The following FSTL5 variants were observed in gnomAD, a reference collection of about 807,000 sequenced individuals.
FSTL5 encodes the protein follistatin-related protein 5.
A neutral mutation model predicts 89.1 loss-of-function variants in FSTL5; 62 were observed. The observed-to-expected ratio is 0.70, with a 90% CI of 0.57 to 0.86. The LOEUF (loss-of-function observed/expected upper bound fraction) is 0.86. Among genes scored for constraint, FSTL5 ranks in the 40% least tolerant of loss-of-function variants. The pLI is 0.00. For missense variants in FSTL5, 1,057 were observed against 1,001.6 expected, an observed-to-expected ratio of 1.06 and a Z score of -0.75; for synonymous variants, 383 against 346.2, an observed-to-expected ratio of 1.11 and a Z score of -1.18.
intron 8 of FSTL5, among the ~76,000 whole-genome samples, chr4:161,574,357 A>T (rs199805422): frequency 4.3e-4 from 55 of 128,298 alleles, no homozygotes; most frequent in East Asian, 1.3e-3. Context: ...TTTTTTTTTT[A>T]AATTTTACTT....
At chr4:162,104,099 A>T (rs1304484510) in intron 2 of FSTL5, among the ~76,000 whole-genome samples, 1 of 152,204 alleles carries the variant, frequency 6.6e-6, no homozygotes, top group African/African-American at 2.4e-5. Context: ...ACTATCGCAG[A>T]CCCACTGCTG....
chr4:162,017,962 C>T (rs1736964669), intron 3 of FSTL5, among the ~76,000 whole-genome samples: 1 of 152,078 alleles, frequency 6.6e-6, no homozygotes, highest in Non-Finnish European at 1.5e-5. Context: ...GAGCCCCTTG[C>T]TTTGCTAGAA....
intron 2 of FSTL5, among the ~76,000 whole-genome samples, chr4:162,107,610 G>A (rs142194556): frequency 0.037 from 5,638 of 152,162 alleles, 174 homozygotes; most frequent in Non-Finnish European, 0.05. Flanking sequence ...GCCTAAATGA[G>A]GACTGCAACA....
At chr4:161,684,045 A>G (rs990199010) in intron 6 of FSTL5, among the ~76,000 whole-genome samples, 1 of 152,140 alleles carries the variant, frequency 6.6e-6, no homozygotes, top group Admixed American at 6.5e-5. Flanking sequence ...ATAGTCTCCA[A>G]TCTCATCCAG....
intron 15 of FSTL5, among the ~76,000 whole-genome samples, chr4:161,408,442 A>T (rs933545400): frequency 1.3e-5 from 2 of 152,176 alleles, no homozygotes; most frequent in African/African-American, 2.4e-5. Context: ...CTCAATTTAA[A>T]TCACAATTAA....
At chr4:161,633,438 C>G (rs781773979) in intron 7 of FSTL5, among the ~76,000 whole-genome samples, 49 of 151,968 alleles carry the variant, frequency 3.2e-4, no homozygotes, top group South Asian at 1.2e-3. Flanking sequence ...CCTCTGCCTC[C>G]CGGGTTCAAG....
At chr4:161,441,587 A>G (rs574018585) in intron 15 of FSTL5, among the ~76,000 whole-genome samples, 35 of 152,070 alleles carry the variant, frequency 2.3e-4, no homozygotes, top group Non-Finnish European at 3.7e-4. Context: ...AATTTCACTG[A>G]GTTAAGTCTC....
Position 161,731,706 on chromosome 4 carries a change from T to C in FSTL5, c.727+27705A>G, listed in dbSNP as rs184548224. 2.0e-5 allele frequency among the ~76,000 whole-genome samples: 3 copies of C among 151,946 alleles called. No homozygotes were observed. In the East Asian group the frequency reaches 5.8e-4, roughly 29 times the overall value. On this transcript the variant is annotated intron_variant, in intron 6 of 15. Coordinates refer to ENST00000306100, the MANE Select transcript of FSTL5 (RefSeq NM_020116.5). ...AACAGTGACTGTTTCTTGATTACTA[T>C]AGATTACTTTGCATTTTTAAAGAAT... is the stretch of plus-strand genomic sequence containing the variant.
intron 2 of FSTL5, among the ~76,000 whole-genome samples, chr4:162,063,573 C>G (rs1738789413): frequency 6.6e-6 from 1 of 151,722 alleles, no homozygotes; most frequent in Admixed American, 6.6e-5. Context: ...AAAAGAAAAA[C>G]AGCATACATT....
chr4:161,872,096 A>C (rs892325389), intron 4 of FSTL5, among the ~76,000 whole-genome samples: 1 of 148,562 alleles, frequency 6.7e-6, no homozygotes, highest in African/African-American at 2.5e-5. Context: ...CTATAGGCAC[A>C]CACCACCACA....
At chr4:162,072,503 C>G (rs1291244765) in intron 2 of FSTL5, among the ~76,000 whole-genome samples, 1 of 151,762 alleles carries the variant, frequency 6.6e-6, no homozygotes, top group Non-Finnish European at 1.5e-5. Flanking sequence ...TTAATGAATA[C>G]ATATACTACA....
At chr4:161,413,669 ACCCAGGTGT>A (rs1237362800) in intron 15 of FSTL5, among the ~76,000 whole-genome samples, 6 of 152,302 alleles carry the variant, frequency 3.9e-5, no homozygotes, top group Middle Eastern at 3.4e-3. Flanking sequence ...CATGAAAGCT[ACCCAGGTGT>A]TCATCAATGA....
chr4:161,944,204 A>G (rs1357501002), intron 3 of FSTL5, among the ~76,000 whole-genome samples: 2 of 152,168 alleles, frequency 1.3e-5, no homozygotes, highest in African/African-American at 2.4e-5. Flanking sequence ...TGATAACAAC[A>G]TATGCTACTA....
chr4:162,037,529 G>T (rs1560984729), intron 2 of FSTL5, among the ~76,000 whole-genome samples: 2 of 151,772 alleles, frequency 1.3e-5, no homozygotes, highest in African/African-American at 4.8e-5. Flanking sequence ...ACAATCTTAG[G>T]CTTAGTTTAC....
At chr4:161,966,991 T>C (rs1308144651) in intron 3 of FSTL5, among the ~76,000 whole-genome samples, 1 of 151,794 alleles carries the variant, frequency 6.6e-6, no homozygotes, top group African/African-American at 2.4e-5. Flanking sequence ...TTACGCAAGA[T>C]GGACTTAGTC....
At chr4:161,489,058 A>G (rs998688286) in intron 12 of FSTL5, among the ~76,000 whole-genome samples, 5 of 152,184 alleles carry the variant, frequency 3.3e-5, no homozygotes, top group African/African-American at 1.2e-4. Context: ...CTCTGCTTAA[A>G]TGTAAAATGT....
At chr4:162,136,131 ACT>A (rs1732511052) in intron 1 of FSTL5, among the ~76,000 whole-genome samples, 1 of 151,892 alleles carries the variant, frequency 6.6e-6, no homozygotes, top group African/African-American at 2.4e-5. Context: ...TAAAAAATAC[ACT>A]CTCTCCCACA....
At chr4:161,520,862 A>C in intron 10 of FSTL5, among the ~76,000 whole-genome samples, 1 of 152,210 alleles carries the variant, frequency 6.6e-6, no homozygotes, top group Non-Finnish European at 1.5e-5. Context: ...GGTCCCAAGA[A>C]GATGGATTAA....
chr4:162,074,005 T>G (rs1343452350), intron 2 of FSTL5, among the ~76,000 whole-genome samples: 1 of 151,800 alleles, frequency 6.6e-6, no homozygotes, highest in East Asian at 1.9e-4. Context: ...GTTGTTCCAC[T>G]GTTCATAAAA....
Sources: allele counts gnomAD v4.1 joint callset (sites outside exome capture counted in the v4.1 genomes callset), GRCh38; gene constraint gnomAD v4.1.1; transcripts MANE v1.5; gene names NCBI Gene and HGNC (gene_info 2026-07-23, HGNC 2026-07-21).